DMRT1: variants seen among roughly 807,000 people sequenced by gnomAD.
The protein encoded by DMRT1 is doublesex- and mab-3-related transcription factor 1.
A neutral mutation model predicts 32.3 loss-of-function variants in DMRT1; 7 were observed. That is an observed-to-expected ratio of 0.22 (90% confidence interval 0.12 to 0.41). The LOEUF is 0.41. Ranked by LOEUF, DMRT1 falls within the 10% of genes least tolerant of loss-of-function variation. The pLI is 1.00. For synonymous variants in DMRT1, 278 were observed against 206.1 expected (o/e 1.35, Z -2.99); for missense variants, 625 against 500.5 (o/e 1.25, Z -2.37).
intron 2 of DMRT1, among the ~76,000 whole-genome samples, chr9:871,237 A>G (rs1564211732): frequency 1.3e-5 from 2 of 151,184 alleles, no homozygotes; most frequent in South Asian, 2.1e-4. Flanking sequence ...CACGTTGCCC[A>G]GGCTAGTCTT....
At chr9:950,731 C>T (rs538451418) in intron 4 of DMRT1, among the ~76,000 whole-genome samples, 1 of 152,314 alleles carries the variant, frequency 6.6e-6, no homozygotes, top group Admixed American at 6.5e-5. Flanking sequence ...TTTCATTTCC[C>T]CAGCATCTCC....
At chr9:871,415 C>G (rs1343689614) in intron 2 of DMRT1, among the ~76,000 whole-genome samples, 2 of 151,372 alleles carry the variant, frequency 1.3e-5, no homozygotes, top group Non-Finnish European at 2.9e-5. Context: ...TCACTGCAAG[C>G]TCCGCGTCCC....
At chr9:902,184 A>G (rs1209337188) in intron 3 of DMRT1, among the ~76,000 whole-genome samples, 1 of 151,902 alleles carries the variant, frequency 6.6e-6, no homozygotes, top group Non-Finnish European at 1.5e-5. Flanking sequence ...TGCTGGGATT[A>G]CAGGCGTGAG....
chr9:861,325 C>G (rs1016502727), intron 2 of DMRT1, among the ~76,000 whole-genome samples: 2 of 152,082 alleles, frequency 1.3e-5, no homozygotes, highest in African/African-American at 4.8e-5. Flanking sequence ...TTGCACCGCC[C>G]TTAATCCATT....
intron 2 of DMRT1, 125 bp downstream of exon 2, chr9:847,268 G>A: frequency 9.9e-7 from 1 of 1,010,024 alleles, no homozygotes; most frequent in South Asian, 1.7e-5. Flanking sequence ...TTCTGTAGAG[G>A]ATTCTCCCTG....
chr9:939,678 T>G (rs1365414249), intron 4 of DMRT1, among the ~76,000 whole-genome samples: 2 of 152,214 alleles, frequency 1.3e-5, no homozygotes, highest in Admixed American at 1.3e-4. Context: ...TTTTATCATT[T>G]TTACCAAAAG....
At chr9:852,398 C>CTT (rs552700304) in intron 2 of DMRT1, among the ~76,000 whole-genome samples, 44 of 138,370 alleles carry the variant, frequency 3.2e-4, no homozygotes, top group Admixed American at 3.6e-4. Context: ...ATAAAATGTA[C>CTT]TTTTTTTTTT....
chr9:847,918 A>G (rs1436536595), intron 2 of DMRT1, among the ~76,000 whole-genome samples: 1 of 152,254 alleles, frequency 6.6e-6, no homozygotes, highest in East Asian at 1.9e-4. Context: ...TAATAGCCAT[A>G]TACAGCTAAG....
intron 3 of DMRT1, among the ~76,000 whole-genome samples, chr9:902,111 T>C (rs1326356376): frequency 6.6e-6 from 1 of 151,578 alleles, no homozygotes; most frequent in Non-Finnish European, 1.5e-5. Flanking sequence ...GGTTTTGCCA[T>C]GTTGGCCAGG....
intron 4 of DMRT1, among the ~76,000 whole-genome samples, chr9:934,897 C>T (rs180690144): frequency 3.0e-4 from 45 of 152,216 alleles, no homozygotes; most frequent in Admixed American, 1.9e-3. Context: ...CCTATAAAAT[C>T]GGCAGTTGTT....
chr9:890,385 A>AGAAAG (rs1422010326), intron 2 of DMRT1, among the ~76,000 whole-genome samples: 1 of 152,216 alleles, frequency 6.6e-6, no homozygotes. Flanking sequence ...AGAGGAGAGA[A>AGAAAG]GAAAGGAAAG....
intron 4 of DMRT1, among the ~76,000 whole-genome samples, chr9:936,181 ATG>A (rs1468229909): frequency 2.6e-5 from 4 of 152,116 alleles, no homozygotes; most frequent in Admixed American, 6.5e-5. Flanking sequence ...TTTATGAAGG[ATG>A]TGTGTTGCTT....
At chr9:877,071 G>T (rs1998438) in intron 2 of DMRT1, among the ~76,000 whole-genome samples, 1 of 125,222 alleles carries the variant, frequency 8.0e-6, no homozygotes, top group South Asian at 2.5e-4. Flanking sequence ...AACAAGGGAT[G>T]AAATTACCTC....
rs759525698 is a variant in DMRT1 at position 886,873 on chromosome 9, A to T, written c.539-7039A>T. ...GTTTGCTGTAGCATGGGCTGGACAG[A>T]TGGTAGGTATACTCTGCTTATGCTT... On this transcript the variant is annotated intron_variant, in intron 2 of 4. Transcript: ENST00000382276. Among the ~76,000 whole-genome samples, 23 of 152,142 alleles carry T rather than the reference A, an allele frequency of 1.5e-4. 1 individual carries two copies. The highest frequency in any genetic ancestry group is 5.6e-4 in the African/African-American group (23 of 41,416).
intron 2 of DMRT1, among the ~76,000 whole-genome samples, chr9:883,573 C>T (rs1187714698): frequency 1.3e-5 from 2 of 151,348 alleles, no homozygotes; most frequent in East Asian, 3.9e-4. Context: ...GGGAGGATCA[C>T]TGGAGACCAG....
chr9:949,373 A>T (rs1710300850), intron 4 of DMRT1, among the ~76,000 whole-genome samples: 1 of 151,910 alleles, frequency 6.6e-6, no homozygotes, highest in African/African-American at 2.4e-5. Context: ...TCGGGGAAAA[A>T]AAAACCCCAA....
chr9:880,157 C>G (rs186940951), intron 2 of DMRT1, among the ~76,000 whole-genome samples: 161 of 152,252 alleles, frequency 1.1e-3, no homozygotes, highest in Admixed American at 3.9e-3. Context: ...GTCACTCTTC[C>G]AGGATATGGT....
At chr9:912,279 C>T (rs929060899) in intron 3 of DMRT1, among the ~76,000 whole-genome samples, 4 of 152,176 alleles carry the variant, frequency 2.6e-5, no homozygotes, top group South Asian at 2.1e-4. Context: ...TTCTTTGACA[C>T]GTGGAGATTA....
At chr9:847,369 A>G (rs536161413) in intron 2 of DMRT1, among the ~76,000 whole-genome samples, 2 of 152,196 alleles carry the variant, frequency 1.3e-5, no homozygotes, top group African/African-American at 4.8e-5. Flanking sequence ...ATTAGTCAAG[A>G]CTGAGTCTGG....
Sources: allele counts gnomAD v4.1 joint callset (sites outside exome capture counted in the v4.1 genomes callset), GRCh38; gene constraint gnomAD v4.1.1; transcripts MANE v1.5; gene names NCBI Gene and HGNC (gene_info 2026-07-23, HGNC 2026-07-21).